The following SGCZ variants were observed in gnomAD, a reference collection of about 807,000 sequenced individuals.
SGCZ encodes zeta-sarcoglycan.
Under a neutral mutation model 41.3 loss-of-function variants are expected in SGCZ, and 40 were observed. The ratio of observed to expected loss-of-function variants is 0.97; its 90% CI spans 0.75 to 1.26. The LOEUF is 1.26. Ranked by LOEUF, SGCZ falls within the 50% of genes most tolerant of loss-of-function variation. The pLI, the probability that SGCZ is intolerant of heterozygous loss-of-function variation, is 0.00. For missense variants in SGCZ, 552 were observed against 369.8 expected (o/e 1.49, Z -4.04); for synonymous variants, 206 against 137.5 (o/e 1.50, Z -3.49).
chr8:15,007,810 T>C (rs1454199645), intron 1 of SGCZ, among the ~76,000 whole-genome samples: 2 of 152,214 alleles, frequency 1.3e-5, no homozygotes, highest in African/African-American at 4.8e-5. Context: ...GCATTTATTA[T>C]TGTTATTACC....
chr8:14,439,417 A>C (rs1033955914), intron 2 of SGCZ, among the ~76,000 whole-genome samples: 3 of 151,330 alleles, frequency 2.0e-5, no homozygotes, highest in Non-Finnish European at 4.4e-5. Context: ...TACAAGAGTA[A>C]ACATTCCCCA....
intron 1 of SGCZ, among the ~76,000 whole-genome samples, chr8:14,688,119 G>A (rs547660748): frequency 1.8e-4 from 27 of 152,146 alleles, no homozygotes; most frequent in Middle Eastern, 3.4e-3. Context: ...AGTAGGTTGC[G>A]AAAATTTTCT....
chr8:14,408,416 T>G (rs1246868371), intron 2 of SGCZ, among the ~76,000 whole-genome samples: 1 of 152,058 alleles, frequency 6.6e-6, no homozygotes, highest in Non-Finnish European at 1.5e-5. Context: ...GTCCCACCCC[T>G]AATATCCAAT....
intron 1 of SGCZ, among the ~76,000 whole-genome samples, chr8:14,873,960 G>C (rs1048137989): frequency 6.6e-6 from 1 of 152,066 alleles, no homozygotes; most frequent in African/African-American, 2.4e-5. Context: ...GCAAATATTT[G>C]TCCTTGAAGT....
chr8:14,113,610 G>C (rs538194021), intron 5 of SGCZ, among the ~76,000 whole-genome samples: 1 of 151,934 alleles, frequency 6.6e-6, no homozygotes, highest in African/African-American at 2.4e-5. Context: ...AGGTGAACCC[G>C]GGAAGTATAC....
At chr8:14,990,172 C>T (rs1050312370) in intron 1 of SGCZ, among the ~76,000 whole-genome samples, 2 of 152,148 alleles carry the variant, frequency 1.3e-5, no homozygotes, top group Non-Finnish European at 2.9e-5. Context: ...ATTAACGCAA[C>T]ATGCTGCCAA....
intron 2 of SGCZ, among the ~76,000 whole-genome samples, chr8:14,403,901 G>C (rs1396383834): frequency 2.0e-5 from 3 of 152,106 alleles, no homozygotes; most frequent in African/African-American, 7.2e-5. Context: ...TCATAGACAA[G>C]AAAGTCTAGG....
intron 1 of SGCZ, among the ~76,000 whole-genome samples, chr8:14,602,966 G>A (rs1805640237): frequency 6.6e-6 from 1 of 152,126 alleles, no homozygotes; most frequent in Non-Finnish European, 1.5e-5. Flanking sequence ...TCATACACTA[G>A]GCATGCCGAA....
chr8:14,817,095 C>G (rs1278742337), intron 1 of SGCZ, among the ~76,000 whole-genome samples: 1 of 152,158 alleles, frequency 6.6e-6, no homozygotes, highest in East Asian at 1.9e-4. Context: ...TGGTTCATCT[C>G]CCCTTCCCAG....
intron 1 of SGCZ, among the ~76,000 whole-genome samples, chr8:15,057,835 T>A (rs1252592631): frequency 1.3e-5 from 2 of 152,234 alleles, no homozygotes; most frequent in African/African-American, 4.8e-5. Flanking sequence ...TGAATTTATA[T>A]CCTTTATCTT....
At chr8:15,216,223 C>CTTTTT (rs34383864) in intron 1 of SGCZ, among the ~76,000 whole-genome samples, 2 of 125,938 alleles carry the variant, frequency 1.6e-5, no homozygotes, top group Non-Finnish European at 3.2e-5. Context: ...CTTTTTTTTT[C>CTTTTT]TTTTTTTTTT....
intron 1 of SGCZ, among the ~76,000 whole-genome samples, chr8:14,606,060 C>T (rs546289046): frequency 2.8e-4 from 42 of 152,140 alleles, no homozygotes; most frequent in African/African-American, 9.9e-4. Flanking sequence ...TTGCCGATTA[C>T]ACCTTTAAAA....
At chr8:14,780,766 T>A (rs1800564933) in intron 1 of SGCZ, among the ~76,000 whole-genome samples, 1 of 152,206 alleles carries the variant, frequency 6.6e-6, no homozygotes, top group African/African-American at 2.4e-5. Flanking sequence ...CCCTTAATAT[T>A]TTTATCCACT....
intron 1 of SGCZ, among the ~76,000 whole-genome samples, chr8:14,753,616 T>C (rs1799566887): frequency 6.6e-6 from 1 of 152,222 alleles, no homozygotes; most frequent in East Asian, 1.9e-4. Flanking sequence ...AGGCATGGTC[T>C]GGACCACAAA....
At chr8:14,807,730 C>A (rs1267875023) in intron 1 of SGCZ, among the ~76,000 whole-genome samples, 2 of 151,794 alleles carry the variant, frequency 1.3e-5, no homozygotes, top group Non-Finnish European at 2.9e-5. Context: ...GAAAAAACTA[C>A]TTTAAAGTTC....
At chr8:14,217,845 C>T (rs1231887535) in intron 4 of SGCZ, among the ~76,000 whole-genome samples, 6 of 151,570 alleles carry the variant, frequency 4.0e-5, no homozygotes, top group South Asian at 2.1e-4. Context: ...TGGCCAGGCT[C>T]GTCTTGAACT....
At chr8:14,678,961 A>G (rs1450304038) in intron 1 of SGCZ, among the ~76,000 whole-genome samples, 1 of 152,166 alleles carries the variant, frequency 6.6e-6, no homozygotes, top group Non-Finnish European at 1.5e-5. Flanking sequence ...TTCCAAATAC[A>G]GCATACCAAC....
chr8:15,147,807 A>G (rs1159976045), intron 1 of SGCZ, among the ~76,000 whole-genome samples: 1 of 152,180 alleles, frequency 6.6e-6, no homozygotes, highest in Non-Finnish European at 1.5e-5. Context: ...GGGGGAAGAC[A>G]TGCTGAAGAA....
Position 15,171,969 on chromosome 8 carries a change from G to C in SGCZ, c.39+65616C>G, listed in dbSNP as rs188266748. Among the ~76,000 whole-genome samples the C allele has an allele frequency of 1.6e-3, 246 of 152,134 alleles. 1 individual carries two copies. Among genetic ancestry groups the C allele is most frequent in the Admixed American group, 0.014 (220 of 15,272 alleles). ...TTCTCACTCCATTGAAAGGTAACAGGAGCCCTTGATCCCTTCAACATTATT... is the reference window on the plus strand; with the variant it reads ...TTCTCACTCCATTGAAAGGTAACAGCAGCCCTTGATCCCTTCAACATTATT... On this transcript the variant is annotated intron_variant, in intron 1 of 7. Coordinates refer to ENST00000382080, the MANE Select transcript of SGCZ (RefSeq NM_139167.4).
Sources: gnomAD v4.1 joint callset for allele counts (sites outside exome capture counted in the v4.1 genomes callset) on GRCh38, gnomAD v4.1.1 for gene constraint, MANE v1.5 for transcripts, NCBI Gene and HGNC (gene_info 2026-07-23, HGNC 2026-07-21) for gene names.